Variants in SAMD12 observed in about 807,000 individuals in gnomAD.
SAMD12 encodes the protein sterile alpha motif domain-containing protein 12.
In SAMD12, 9 loss-of-function variants were observed where a neutral mutation model predicts 15.0. The observed-to-expected ratio is 0.60, with a 90% CI of 0.36 to 1.05. The LOEUF is 1.05. Among genes scored for constraint, SAMD12 ranks in the 50% least tolerant of loss-of-function variants. The pLI is 0.01. For missense variants in SAMD12, 230 were observed against 234.2 expected (o/e 0.98, Z 0.12); for synonymous variants, 86 against 90.1 (o/e 0.96, Z 0.25).
At chr8:118,414,668 G>T (rs1821593372) in intron 3 of SAMD12, among the ~76,000 whole-genome samples, 1 of 152,116 alleles carries the variant, frequency 6.6e-6, no homozygotes, top group African/African-American at 2.4e-5. Context: ...CCTAGTAAAG[G>T]ATGGCAGTAA....
intron 4 of SAMD12, among the ~76,000 whole-genome samples, chr8:118,248,493 T>A (rs910927098): frequency 1.6e-4 from 25 of 152,136 alleles, no homozygotes; most frequent in African/African-American, 6.0e-4. Context: ...ATGCTAATGT[T>A]GCTCAGATTG....
rs530857892 is a variant in SAMD12 at position 118,362,099 on chromosome 8, G to A, written c.433+17461C>T. Reference sequence around the variant, plus strand: ...TGATAGAGCACTTTGGTGGGGGTGGGGAGTGGGATGAAGGGAGGGACAGTG... The same window carrying A: ...TGATAGAGCACTTTGGTGGGGGTGGAGAGTGGGATGAAGGGAGGGACAGTG... On this transcript the variant is annotated intron_variant, in intron 4 of 4. Coordinates refer to the SAMD12 transcript ENST00000409003. Among the ~76,000 whole-genome samples the A allele has an allele frequency of 3.0e-3, 454 of 151,966 alleles. 4 individuals are homozygous for A. Among genetic ancestry groups the A allele is most frequent in the Non-Finnish European group, 3.9e-3 (262 of 67,984 alleles).
chr8:118,548,384 T>TACAC (rs36228827), intron 2 of SAMD12, among the ~76,000 whole-genome samples: 5,551 of 139,802 alleles, frequency 0.04, 148 homozygotes, highest in East Asian at 0.085. Flanking sequence ...AAAACACACA[T>TACAC]ACACACACAC....
At chr8:118,524,758 G>C (rs1427454549) in intron 2 of SAMD12, among the ~76,000 whole-genome samples, 1 of 152,138 alleles carries the variant, frequency 6.6e-6, no homozygotes, top group Non-Finnish European at 1.5e-5. Flanking sequence ...AAAACCTTGA[G>C]TCAACTGCTT....
chr8:118,275,548 A>T (rs1813452773), intron 4 of SAMD12, among the ~76,000 whole-genome samples: 1 of 152,216 alleles, frequency 6.6e-6, no homozygotes. Flanking sequence ...CTGCTTTTTT[A>T]AAAAAGTAAT....
intron 3 of SAMD12, among the ~76,000 whole-genome samples, chr8:118,437,302 A>T (rs1443341681): frequency 6.6e-6 from 1 of 152,250 alleles, no homozygotes; most frequent in Non-Finnish European, 1.5e-5. Flanking sequence ...GGCTTCAAAT[A>T]GGTGAATGTC....
intron 4 of SAMD12, among the ~76,000 whole-genome samples, chr8:118,334,643 T>C (rs1358616417): frequency 6.6e-6 from 1 of 152,192 alleles, no homozygotes; most frequent in Non-Finnish European, 1.5e-5. Flanking sequence ...TTACCCAGGC[T>C]GGAGTGCAGT....
At chr8:118,543,745 C>T (rs1157566653) in intron 2 of SAMD12, among the ~76,000 whole-genome samples, 1 of 150,366 alleles carries the variant, frequency 6.7e-6, no homozygotes, top group Non-Finnish European at 1.5e-5. Context: ...AGTTTAGATA[C>T]CCCTGTCCTT....
intron 3 of SAMD12, among the ~76,000 whole-genome samples, chr8:118,380,476 C>A (rs1054791385): frequency 5.9e-5 from 9 of 152,162 alleles, no homozygotes; most frequent in African/African-American, 2.2e-4. Flanking sequence ...ACCTTTCTTT[C>A]CCTGTATACT....
chr8:118,545,332 T>C (rs889648855), intron 2 of SAMD12, among the ~76,000 whole-genome samples: 2 of 151,980 alleles, frequency 1.3e-5, no homozygotes, highest in African/African-American at 4.8e-5. Context: ...CCAGGTGTAG[T>C]GGCAGGCACC....
At chr8:118,223,359 G>A (rs1812121639) in intron 4 of SAMD12, among the ~76,000 whole-genome samples, 1 of 152,192 alleles carries the variant, frequency 6.6e-6, no homozygotes, top group South Asian at 2.1e-4. Context: ...TCACTCCCAT[G>A]CTATCTCCTG....
intron 4 of SAMD12, among the ~76,000 whole-genome samples, chr8:118,326,786 G>A (rs1244289390): frequency 6.6e-6 from 1 of 152,146 alleles, no homozygotes; most frequent in Non-Finnish European, 1.5e-5. Context: ...GCAGCAAGGT[G>A]CTTCATCTAA....
intron 4 of SAMD12, among the ~76,000 whole-genome samples, chr8:118,216,221 A>G (rs1344952345): frequency 6.6e-6 from 1 of 151,232 alleles, no homozygotes; most frequent in African/African-American, 2.4e-5. Context: ...GCCAGTGATG[A>G]TGAGCATTTT....
intron 4 of SAMD12, among the ~76,000 whole-genome samples, chr8:118,300,016 T>TC (rs1428789469): frequency 6.6e-6 from 1 of 150,918 alleles, no homozygotes; most frequent in Non-Finnish European, 1.5e-5. Context: ...AAAGGCTTAT[T>TC]CCTTTTTTTT....
At chr8:118,382,222 C>G (rs1819710275) in intron 3 of SAMD12, among the ~76,000 whole-genome samples, 1 of 152,196 alleles carries the variant, frequency 6.6e-6, no homozygotes, top group Admixed American at 6.5e-5. Context: ...AGATCACCCT[C>G]CCTCCTTTCT....
chr8:118,324,398 G>C (rs1215716406), intron 4 of SAMD12, among the ~76,000 whole-genome samples: 1 of 152,164 alleles, frequency 6.6e-6, no homozygotes, highest in Non-Finnish European at 1.5e-5. Context: ...CTATTTAACA[G>C]CTATCTTGTG....
intron 2 of SAMD12, among the ~76,000 whole-genome samples, chr8:118,457,906 C>A (rs1823306298): frequency 6.6e-6 from 1 of 152,184 alleles, no homozygotes; most frequent in Admixed American, 6.5e-5. Flanking sequence ...TCCTTTGGGT[C>A]TTTGAGGGTG....
exon 5 of SAMD12, chr8:118,197,707 TG>T: frequency 3.1e-6 from 5 of 1,613,312 alleles, no homozygotes; most frequent in Non-Finnish European, 4.2e-6. Context: ...AGGCTAACCG[TG>T]TTTATGGAGA....
At chr8:118,153,609 A>G in the SAMD12 span, among the ~76,000 whole-genome samples, 1 of 152,164 alleles carries the variant, frequency 6.6e-6, no homozygotes, top group Non-Finnish European at 1.5e-5. Context: ...CTCCAGGCAC[A>G]TTCTTCTTTG....
Sources: gnomAD v4.1 joint callset for allele counts (sites outside exome capture counted in the v4.1 genomes callset) on GRCh38, gnomAD v4.1.1 for gene constraint, MANE v1.5 for transcripts, NCBI Gene and HGNC (gene_info 2026-07-23, HGNC 2026-07-21) for gene names.